The following USP53 variants were observed in gnomAD, a reference collection of about 807,000 sequenced individuals.
USP53 encodes ubiquitin specific peptidase 53, also known as ubiquitin carboxyl-terminal hydrolase 53.
Under a neutral mutation model 94.9 loss-of-function variants are expected in USP53, and 71 were observed. The observed-to-expected ratio is 0.75, with a 90% CI of 0.62 to 0.91. The LOEUF (loss-of-function observed/expected upper bound fraction) is 0.91, where lower values mean the gene tolerates loss of function less well. USP53 is among the 40% of genes least tolerant of loss of function. USP53 has a pLI of 0.00. For synonymous variants in USP53, 375 were observed against 422.7 expected (o/e 0.89, Z 1.39); for missense variants, 1,173 against 1,281.0 (o/e 0.92, Z 1.29).
chr4:119,247,465 A>T (rs1748404699), intron 6 of USP53, among the ~76,000 whole-genome samples: 1 of 152,204 alleles, frequency 6.6e-6, no homozygotes, highest in African/African-American at 2.4e-5. Context: ...CCTAGGTAAA[A>T]GGTAAGCTGC....
intron 17 of USP53, among the ~76,000 whole-genome samples, chr4:119,290,301 CTT>C (rs1335402887): frequency 6.6e-6 from 1 of 152,080 alleles, no homozygotes. Context: ...ATTAGTATAA[CTT>C]TTTTCATAAG....
At chr4:119,218,431 T>C (rs1461398071) in intron 3 of USP53, 1 of 152,190 alleles carries the variant, frequency 6.6e-6, no homozygotes, top group Non-Finnish European at 1.5e-5. Context: ...TGGAAACTAG[T>C]GAATAGGTAA....
intron 3 of USP53, among the ~76,000 whole-genome samples, chr4:119,233,770 T>A (rs2149307232): frequency 6.6e-6 from 1 of 152,354 alleles, no homozygotes; most frequent in African/African-American, 2.4e-5. Context: ...TTTCTTTCAT[T>A]GTGCTCATAC....
At position 119,270,070 on chromosome 4, in the gene USP53, G is replaced by T. The variant is rs1338323141; in HGVS notation, c.1435+233G>T. ...ATATAATTTATATAGTTTATATATAGAAATTAAATTATATTAAAGTTATTT... is the reference window on the plus strand; with the variant it reads ...ATATAATTTATATAGTTTATATATATAAATTAAATTATATTAAAGTTATTT... On this transcript the variant is annotated intron_variant, in intron 15 of 18. Coordinates refer to ENST00000692078, the MANE Select transcript of USP53 (RefSeq NM_001371395.1). 2.7e-5 allele frequency among the ~76,000 whole-genome samples: 4 copies of T among 147,358 alleles called. No homozygotes were observed. The East Asian group carries it at 7.8e-4, about 29-fold the overall frequency.
intron 3 of USP53, among the ~76,000 whole-genome samples, chr4:119,224,481 T>G (rs1404137292): frequency 6.6e-6 from 1 of 152,262 alleles, no homozygotes; most frequent in Non-Finnish European, 1.5e-5. Context: ...GGTTTAGAAT[T>G]ATTTAACAAT....
chr4:119,219,396 C>T (rs1744211219), intron 3 of USP53: 1 of 152,272 alleles, frequency 6.6e-6, no homozygotes, highest in South Asian at 2.1e-4. Flanking sequence ...CTGCCTCTGT[C>T]ATCATTCTCT....
Position 119,212,843 on chromosome 4 carries a change from C to G in USP53, c.-972C>G, listed in dbSNP as rs775742828. 6.3e-5 allele frequency: 14 copies of G among 221,896 alleles called. No homozygotes were observed. Among genetic ancestry groups the G allele is most frequent in the Admixed American group, 2.5e-4 (5 of 19,980 alleles). 13.7% of individuals were successfully genotyped at this position (221,896 alleles called of 1,614,324 possible). ...CCTGTATTTCTCTACCTGGACCGCA[C>G]GCTCCTCGCGCAAGGAGGGTAGAGC... On this transcript the variant is annotated 5_prime_UTR_variant, in exon 1 of 19. Coordinates refer to ENST00000692078, the MANE Select transcript of USP53 (RefSeq NM_001371395.1).
At chr4:119,257,335 G>A (rs989745781) in intron 9 of USP53, among the ~76,000 whole-genome samples, 3 of 152,118 alleles carry the variant, frequency 2.0e-5, no homozygotes, top group Admixed American at 6.5e-5. Context: ...CAGCTCTTCC[G>A]GAGGCTGAGG....
At position 119,239,714 on chromosome 4, in the gene USP53, A is replaced by G. The variant is rs575496956; in HGVS notation, c.-46A>G. ...CATTTTATTGTCCAAAATATTACAT[A>G]AAAGTGTACAGTTTTTAGCCTAAAT... On this transcript the variant is annotated 5_prime_UTR_variant, in exon 5 of 19. In the 5' UTR this introduces an upstream ATG that the reference lacks. Coordinates refer to ENST00000692078, the MANE Select transcript of USP53 (RefSeq NM_001371395.1). The G allele has an allele frequency of 3.8e-6, 6 of 1,564,534 alleles. No individual in the cohort carries two copies. The highest frequency in any genetic ancestry group is 3.6e-5 in the South Asian group (3 of 82,586).
At position 119,292,403 on chromosome 4, in the gene USP53, A is replaced by G. The variant is rs1754858998; in HGVS notation, c.2414A>G (p.His805Arg). 6.2e-6 allele frequency: 10 copies of G among 1,613,954 alleles called. No homozygotes were observed. The highest frequency in any genetic ancestry group is 8.5e-6 in the Non-Finnish European group (10 of 1,179,868). ...TCCAGTCTACAAATACCCAAGGACCATAATGCAAGAGAACATATCCACCAG... is the reference window on the plus strand; with the variant it reads ...TCCAGTCTACAAATACCCAAGGACCGTAATGCAAGAGAACATATCCACCAG... ...PSSSLQIPKD[H>R]NAREHIHQSD... The change falls in exon 19 of 19, where the codon CAT becomes CGT. Residue 805 changes from histidine to arginine, a missense_variant. Physicochemically the swap from His to Arg is conservative, Grantham distance 29 (BLOSUM62 0). Coordinates refer to ENST00000692078, the MANE Select transcript of USP53 (RefSeq NM_001371395.1).
intron 13 of USP53, among the ~76,000 whole-genome samples, 185 bp from the exon 14 acceptor site, chr4:119,268,083 C>G (rs1053506457): frequency 1.3e-5 from 2 of 148,692 alleles, no homozygotes; most frequent in African/African-American, 5.0e-5. Flanking sequence ...AGCAGAATGG[C>G]GTGAACCCGG....
chr4:119,262,159 T>C (rs75736684), intron 12 of USP53, among the ~76,000 whole-genome samples: 61 of 152,354 alleles, frequency 4.0e-4, no homozygotes, highest in African/African-American at 1.4e-3. Flanking sequence ...ATGATCCTTT[T>C]TGCCTGACGC....
intron 3 of USP53, among the ~76,000 whole-genome samples, chr4:119,234,862 T>C (rs1746522902): frequency 6.6e-6 from 1 of 152,228 alleles, no homozygotes. Context: ...GACCTAAAAG[T>C]TGGTCCTCCA....
intron 3 of USP53, chr4:119,218,679 C>T (rs1046229256): frequency 7.2e-5 from 11 of 152,248 alleles, no homozygotes; most frequent in Middle Eastern, 3.4e-3. Flanking sequence ...TTCAATTATA[C>T]CTTCCTTACT....
intron 3 of USP53, among the ~76,000 whole-genome samples, chr4:119,221,993 A>G (rs1331408991): frequency 3.3e-5 from 5 of 152,316 alleles, no homozygotes; most frequent in South Asian, 4.2e-4. Flanking sequence ...AACACTTTCA[A>G]GTCTTTCAGC....
rs1754992418 is a variant in USP53, at chr4:119,293,465, T to A, written c.*254T>A. The A allele has an allele frequency of 3.2e-6, 1 of 316,150 alleles. No individual in the cohort carries two copies. Among genetic ancestry groups the A allele is most frequent in the African/African-American group, 2.1e-5 (1 of 46,798 alleles). 19.6% of individuals were successfully genotyped at this position (316,150 alleles called of 1,614,324 possible). A position where few individuals can be genotyped will look rare whatever the true frequency, so the allele number is the denominator to read the frequency against. On this transcript the variant is annotated 3_prime_UTR_variant, in exon 19 of 19. Coordinates refer to ENST00000692078, the MANE Select transcript of USP53 (RefSeq NM_001371395.1). ...TGTATATGTGTATACACATATATAATTTTATGATCAATATCTTAGATATTT... is the reference window on the plus strand; with the variant it reads ...TGTATATGTGTATACACATATATAAATTTATGATCAATATCTTAGATATTT...
chr4:119,242,013 AT>A (rs1351318248), intron 5 of USP53, among the ~76,000 whole-genome samples: 1 of 151,770 alleles, frequency 6.6e-6, no homozygotes, highest in Non-Finnish European at 1.5e-5. Flanking sequence ...CATCCAGTGT[AT>A]TTTTTGTCTT....
intron 2 of USP53, among the ~76,000 whole-genome samples, chr4:119,215,774 C>T (rs533347893): frequency 6.6e-6 from 1 of 152,258 alleles, no homozygotes; most frequent in East Asian, 1.9e-4. Context: ...TTACATGAGA[C>T]TTCAGAAGAG....
intron 5 of USP53, among the ~76,000 whole-genome samples, chr4:119,244,289 A>G (rs1747931349): frequency 6.6e-6 from 1 of 152,258 alleles, no homozygotes; most frequent in Non-Finnish European, 1.5e-5. Context: ...GCTTTAATAA[A>G]AGGCAACGTT....
Sources: allele counts gnomAD v4.1 joint callset (sites outside exome capture counted in the v4.1 genomes callset), GRCh38; gene constraint gnomAD v4.1.1; transcripts MANE v1.5; gene names NCBI Gene and HGNC (gene_info 2026-07-23, HGNC 2026-07-21).